Variants in GRIN2A observed in about 807,000 individuals in gnomAD.
GRIN2A encodes the protein glutamate ionotropic receptor NMDA type subunit 2A.
In GRIN2A, 22 loss-of-function variants were observed where a neutral mutation model predicts 113.4. That is an observed-to-expected ratio of 0.19 (90% CI 0.14 to 0.28). The LOEUF is 0.28. Ranked by LOEUF, GRIN2A falls within the 10% of genes least tolerant of loss-of-function variation. The pLI, the probability that GRIN2A is intolerant of heterozygous loss-of-function variation, is 1.00. For synonymous variants in GRIN2A, 827 were observed against 738.4 expected, an observed-to-expected ratio of 1.12 and a Z score of -1.94; for missense variants, 1,502 against 1,887.0, an observed-to-expected ratio of 0.80 and a Z score of 3.78.
At chr16:10,045,414 T>A (rs2047241116) in intron 2 of GRIN2A, among the ~76,000 whole-genome samples, 1 of 33,388 alleles carries the variant, frequency 3.0e-5, no homozygotes, top group African/African-American at 1.4e-4. Flanking sequence ...TCTTGCAAAT[T>A]TTTTTTTTTT....
intron 2 of GRIN2A, among the ~76,000 whole-genome samples, chr16:10,153,169 T>G (rs1532934): frequency 0.66 from 99,607 of 152,004 alleles, 32,981 homozygotes; most frequent in East Asian, 0.92. Flanking sequence ...TCTGGTGGGG[T>G]ATGTGGATCA....
chr16:9,826,035 G>A (rs1394047009), intron 9 of GRIN2A, among the ~76,000 whole-genome samples: 1 of 152,020 alleles, frequency 6.6e-6, no homozygotes. Flanking sequence ...TGGAAAGGAG[G>A]AGGGTAGAAG....
intron 2 of GRIN2A, among the ~76,000 whole-genome samples, chr16:9,968,558 C>A (rs1171685145): frequency 6.6e-6 from 1 of 152,092 alleles, no homozygotes; most frequent in Non-Finnish European, 1.5e-5. Flanking sequence ...GGTGATCCAC[C>A]CACCTCGGCC....
intron 2 of GRIN2A, among the ~76,000 whole-genome samples, chr16:10,167,693 A>G (rs748880926): frequency 6.6e-6 from 1 of 152,200 alleles, no homozygotes; most frequent in Non-Finnish European, 1.5e-5. Context: ...TGTATTATTT[A>G]GGTTTTTTCG....
chr16:9,863,052 G>A (rs1052329351), intron 4 of GRIN2A, among the ~76,000 whole-genome samples: 3 of 152,152 alleles, frequency 2.0e-5, no homozygotes, highest in Non-Finnish European at 4.4e-5. Flanking sequence ...GAATTTAAGT[G>A]ACTTGCCCAA....
chr16:10,138,455 G>C (rs1332701633), intron 2 of GRIN2A, among the ~76,000 whole-genome samples: 1 of 152,082 alleles, frequency 6.6e-6, no homozygotes, highest in Non-Finnish European at 1.5e-5. Context: ...GATGGGGATG[G>C]GTAGAAAAGA....
intron 2 of GRIN2A, among the ~76,000 whole-genome samples, chr16:10,145,503 C>G (rs1097787): frequency 0.61 from 91,855 of 151,522 alleles, 28,275 homozygotes; most frequent in East Asian, 0.92. Flanking sequence ...GATGTCAATG[C>G]AGCTGTTTTT....
intron 2 of GRIN2A, among the ~76,000 whole-genome samples, chr16:10,173,479 T>C (rs538173008): frequency 4.4e-4 from 67 of 152,258 alleles, no homozygotes; most frequent in African/African-American, 1.4e-3. Context: ...AAGAGAAAAA[T>C]TGGCAAACAC....
chr16:10,035,350 T>C (rs1454794359), intron 2 of GRIN2A, among the ~76,000 whole-genome samples: 1 of 152,172 alleles, frequency 6.6e-6, no homozygotes, highest in Non-Finnish European at 1.5e-5. Flanking sequence ...ACCATGTGTC[T>C]GTACTTCCTT....
chr16:10,038,847 CA>C (rs137915448), intron 2 of GRIN2A, among the ~76,000 whole-genome samples: 4 of 126,828 alleles, frequency 3.2e-5, no homozygotes, highest in Non-Finnish European at 3.3e-5. Context: ...GACTCCTTCT[CA>C]AAAAAAAAAC....
At chr16:10,039,185 T>G (rs2047095316) in intron 2 of GRIN2A, among the ~76,000 whole-genome samples, 1 of 150,270 alleles carries the variant, frequency 6.7e-6, no homozygotes, top group African/African-American at 2.5e-5. Context: ...AGACAGTGAG[T>G]GGAAAAGAAA....
intron 4 of GRIN2A, among the ~76,000 whole-genome samples, chr16:9,864,122 T>C (rs964984478): frequency 6.6e-6 from 1 of 152,206 alleles, no homozygotes; most frequent in African/African-American, 2.4e-5. Flanking sequence ...GACCTTCTAA[T>C]GTACTTTTTC....
chr16:9,896,677 AGG>A (rs925239539), intron 3 of GRIN2A, among the ~76,000 whole-genome samples: 20 of 152,120 alleles, frequency 1.3e-4, no homozygotes, highest in African/African-American at 4.1e-4. Flanking sequence ...GTCCCTTGGG[AGG>A]GGGGAAAAAA....
At chr16:10,097,733 A>T (rs2048320570) in intron 2 of GRIN2A, among the ~76,000 whole-genome samples, 2 of 152,158 alleles carry the variant, frequency 1.3e-5, no homozygotes, top group Admixed American at 6.5e-5. Context: ...AAGACCCTTC[A>T]TCTAACATGT....
chr16:9,851,556 TAAAG>T (rs2042882877), intron 4 of GRIN2A, among the ~76,000 whole-genome samples: 1 of 152,210 alleles, frequency 6.6e-6, no homozygotes, highest in East Asian at 1.9e-4. Flanking sequence ...TGCAAATAGA[TAAAG>T]AAATATACAA....
At chr16:9,767,705 TAAG>T (rs1368035305) in intron 12 of GRIN2A, among the ~76,000 whole-genome samples, 3 of 152,172 alleles carry the variant, frequency 2.0e-5, no homozygotes, top group Non-Finnish European at 4.4e-5. Flanking sequence ...GACATATAGA[TAAG>T]AAGGTAGATA....
At chr16:9,934,264 T>C (rs1185301174) in intron 3 of GRIN2A, among the ~76,000 whole-genome samples, 1 of 152,238 alleles carries the variant, frequency 6.6e-6, no homozygotes, top group Non-Finnish European at 1.5e-5. Flanking sequence ...TTTAGATAAA[T>C]TTCCCCCACC....
intron 2 of GRIN2A, among the ~76,000 whole-genome samples, chr16:10,011,115 C>T (rs2046496503): frequency 6.6e-6 from 1 of 152,230 alleles, no homozygotes; most frequent in African/African-American, 2.4e-5. Context: ...ACCTTCCCCA[C>T]TCTTTCTTAT....
intron 2 of GRIN2A, among the ~76,000 whole-genome samples, chr16:10,136,804 C>T (rs942097616): frequency 5.3e-5 from 8 of 152,256 alleles, no homozygotes; most frequent in African/African-American, 1.7e-4. Flanking sequence ...TACAATGTTT[C>T]GTTTTATCAT....
Sources: allele counts gnomAD v4.1 joint callset (sites outside exome capture counted in the v4.1 genomes callset), GRCh38; gene constraint gnomAD v4.1.1; transcripts MANE v1.5; gene names NCBI Gene and HGNC (gene_info 2026-07-23, HGNC 2026-07-21).